SRCAP: variants seen among roughly 807,000 people sequenced by gnomAD.
The protein encoded by SRCAP is Snf2 related CREBBP activator protein.
Under a neutral mutation model 263.1 loss-of-function variants are expected in SRCAP, and 46 were observed. The observed-to-expected ratio is 0.17, with a 90% CI of 0.14 to 0.22. The LOEUF is 0.22. Ranked by LOEUF, SRCAP falls within the 10% of genes least tolerant of loss-of-function variation. The pLI is 1.00. For missense variants in SRCAP, 3,695 were observed against 4,181.9 expected (o/e 0.88, Z 3.21); for synonymous variants, 1,813 against 1,662.1 (o/e 1.09, Z -2.21).
In SRCAP at chr16:30,733,320, G is replaced by A. The variant is rs1292046686; in HGVS notation, c.6168G>A (p.Lys2056=). 6.2e-7 allele frequency: 1 copy of A among 1,614,092 alleles called. No homozygotes were observed. The highest frequency in any genetic ancestry group is 1.3e-5 in the African/African-American group (1 of 75,042). ...TGGCAGTGCTGTTGCGGCAGCTCAA[G>A]GCAGAGGGCCACCGAGTGCTCATCT... The part of the protein sequence containing the change: ...QTLAVLLRQL[K]AEGHRVLIFT... The change falls in exon 28 of 34, where the codon AAG becomes AAA. Residue 2056 remains lysine, a synonymous_variant. Coordinates refer to ENST00000262518, the MANE Select transcript of SRCAP (RefSeq NM_006662.3). This position sits in a 1 kb window ranked among gnomAD's most constrained non-coding sequence, Gnocchi z 5.3.
intron 7 of SRCAP, 39 bp from the exon 8 acceptor site, chr16:30,709,812 A>G: frequency 1.2e-6 from 2 of 1,612,946 alleles, no homozygotes; most frequent in Non-Finnish European, 1.7e-6. Flanking sequence ...TGTGGCTTGC[A>G]GGGCCCGTGG....
intron 18 of SRCAP, among the ~76,000 whole-genome samples, chr16:30,717,138 C>T (rs932114019): frequency 6.6e-6 from 1 of 152,084 alleles, no homozygotes; most frequent in Non-Finnish European, 1.5e-5. Context: ...TAATTACACC[C>T]ATATTAATGA....
At position 30,707,723 on chromosome 16, in the gene SRCAP, G is replaced by A; in HGVS notation, c.633+11G>A. The A allele has an allele frequency of 6.2e-7, 1 of 1,614,062 alleles. No individual in the cohort carries two copies. The highest frequency in any genetic ancestry group is 8.5e-7 in the Non-Finnish European group (1 of 1,179,948). The stretch of plus-strand genomic sequence containing the variant: ...AGCAATGTGGAGAAGGTAGACAGTG[G>A]GGATCAGGAAAGGAAAATGGCCTTG... On this transcript the variant is annotated intron_variant, in intron 6 of 33. Transcript: ENST00000262518.
At position 30,729,536 on chromosome 16, in the gene SRCAP, C is replaced by T; in HGVS notation, c.6091C>T (p.Gln2031Ter). 6.2e-7 allele frequency: 1 copy of T among 1,614,196 alleles called. No homozygotes were observed. The highest frequency in any genetic ancestry group is 8.5e-7 in the Non-Finnish European group (1 of 1,180,038). ...CCGTATTGTGTGTAACATGCGCACC[C>T]AGTTCCCTGACTTAAGACTCATCCA... ...LHRIVCNMRT[Q>*]FPDLRLIQYD... The change falls in exon 27 of 34, where the codon CAG (glutamine) becomes TAG (stop). Residue 2031 changes from glutamine (Q) to a stop codon, truncating the protein, a stop_gained. Transcript: ENST00000262518. LOFTEE classifies it high-confidence loss of function.
intron 23 of SRCAP, 96 bp from the exon 24 acceptor site, chr16:30,722,867 A>T: frequency 6.5e-7 from 1 of 1,547,972 alleles, no homozygotes; most frequent in Non-Finnish European, 8.7e-7. Flanking sequence ...TATCTATGAT[A>T]CCTGTCTGCC....
At chr16:30,736,175 C>T (rs570752204) in intron 31 of SRCAP, 25 bp from the exon 32 acceptor site, 2 of 1,612,080 alleles carry the variant, frequency 1.2e-6, no homozygotes, top group Admixed American at 1.7e-5. Context: ...CTCATGTTTT[C>T]TTTTTCTTTT....
chr16:30,728,414 T>A (rs2053082894), intron 25 of SRCAP, among the ~76,000 whole-genome samples: 1 of 152,196 alleles, frequency 6.6e-6, no homozygotes, highest in African/African-American at 2.4e-5. Context: ...TGGGTCAAAG[T>A]CATCCAGGTG....
rs544356080 is a variant in SRCAP, at chr16:30,701,686, A to G, written c.54+808A>G. On this transcript the variant is annotated intron_variant, in intron 3 of 33. Coordinates refer to ENST00000262518, the MANE Select transcript of SRCAP (RefSeq NM_006662.3). Reference sequence around the variant, plus strand: ...TGTCTTTCAGCCAGGCTGGAATGCAATGGCGCGATCTCGGCTCACTGCAAC... The same window carrying G: ...TGTCTTTCAGCCAGGCTGGAATGCAGTGGCGCGATCTCGGCTCACTGCAAC... Among the ~76,000 whole-genome samples the G allele has an allele frequency of 2.2e-3, 319 of 146,416 alleles. 1 individual carries two copies. Among genetic ancestry groups the G allele is most frequent in the African/African-American group, 7.9e-3 (303 of 38,162 alleles).
rs755377217 is a variant in SRCAP, at chr16:30,738,384, T to C, written c.8344T>C (p.Ser2782Pro). 13 of 1,552,688 alleles carry C rather than the reference T, an allele frequency of 8.4e-6. No homozygotes were observed. The highest frequency in any genetic ancestry group is 1.4e-5 in the African/African-American group (1 of 72,916). Residue 2782 changes from serine (S) to proline (P), a missense_variant, in exon 34 of 34, where the codon TCT becomes CCT. Physicochemically the swap from Ser to Pro is moderately conservative, Grantham distance 74. This residue lies in a region of SRCAP where 1,207 missense variants were observed against 1,142.9 expected (regional missense o/e 1.06). Coordinates refer to ENST00000262518, the MANE Select transcript of SRCAP (RefSeq NM_006662.3). ...GAASTLVPGVSETSASPGSPS... is the reference protein window; with the variant it reads ...GAASTLVPGVPETSASPGSPS... ...TGCCAGCACCCTAGTGCCTGGGGTC[T>C]CTGAGACTAGTGCCAGCCCGGGAAG...
In SRCAP at chr16:30,711,947, A is replaced by G. The variant is rs780932101; in HGVS notation, c.1605A>G (p.Gln535=). The change falls in exon 12 of 34, where the codon CAA becomes CAG. Residue 535 remains glutamine (Q), a synonymous_variant. Coordinates refer to ENST00000262518, the MANE Select transcript of SRCAP (RefSeq NM_006662.3). ...AGTCTGAAGAGTCTGAGGATGCCCA[A>G]TCACAGAGCCAAGCAGATGAAGAGG... ...ESESEESEDA[Q]SQSQADEEEE... 1.4e-5 allele frequency: 23 copies of G among 1,614,000 alleles called. No individual in the cohort carries two copies. The highest frequency in any genetic ancestry group is 1.6e-4 in the Middle Eastern group (1 of 6,062).
intron 6 of SRCAP, among the ~76,000 whole-genome samples, chr16:30,708,086 A>G (rs777028139): frequency 8.5e-5 from 13 of 152,310 alleles, no homozygotes; most frequent in Middle Eastern, 3.4e-3. Context: ...GCCTCCTGCC[A>G]TGTTCATTCC....
Position 30,722,592 on chromosome 16 carries a change from G to A in SRCAP, c.3736G>A (p.Gly1246Arg). 2 of 1,614,040 alleles carry A rather than the reference G, an allele frequency of 1.2e-6. No homozygotes were observed. The highest frequency in any genetic ancestry group is 1.1e-5 in the South Asian group (1 of 91,066). The stretch of plus-strand genomic sequence containing the variant: ...TGTGGTGCACCTCGTGTCAGCAGGG[G>A]GGCAGCACCATCTCATCAGCCAGCC... Reference protein sequence around the residue: ...RNVVHLVSAGGQHHLISQPAH... With the variant: ...RNVVHLVSAGRQHHLISQPAH... The change falls in exon 23 of 34, where the codon GGG becomes AGG. Residue 1246 changes from glycine (G) to arginine (R), a missense_variant. Gly to Arg is a moderately radical substitution (Grantham distance 125). Coordinates refer to ENST00000262518, the MANE Select transcript of SRCAP (RefSeq NM_006662.3).
In SRCAP at chr16:30,737,687, T is replaced by A; in HGVS notation, c.7647T>A (p.Pro2549=). Residue 2549 remains proline (P), a synonymous_variant, in exon 34 of 34, where the codon CCT becomes CCA. Transcript: ENST00000262518. ...SVTNLPLGLR[P]EAELCAQALA... is the part of the protein sequence containing the mutation. ...CTAATCTCCCCTTGGGCTTGAGGCC[T>A]GAGGCAGAGCTGTGTGCCCAGGCAT... 6.2e-7 allele frequency: 1 copy of A among 1,614,194 alleles called. No individual in the cohort carries two copies.
intron 27 of SRCAP, among the ~76,000 whole-genome samples, chr16:30,732,637 G>T (rs1203796798): frequency 6.6e-6 from 1 of 152,136 alleles, no homozygotes; most frequent in Non-Finnish European, 1.5e-5. Flanking sequence ...TATCTATCCT[G>T]TGAATCTGTT....
Position 30,738,185 on chromosome 16 carries a change from A to G in SRCAP, c.8145A>G (p.Ser2715=), listed in dbSNP as rs897576157. The G allele has an allele frequency of 2.2e-5, 36 of 1,613,970 alleles. No homozygotes were observed. The highest frequency in any genetic ancestry group is 2.7e-5 in the Non-Finnish European group (32 of 1,180,024). The change falls in exon 34 of 34, where the codon TCA becomes TCG. Residue 2715 remains serine, a synonymous_variant. Coordinates refer to ENST00000262518, the MANE Select transcript of SRCAP (RefSeq NM_006662.3). ...CCACTTCCTCGCCTGAGGGTCCTTC[A>G]CCTGCCCGACCTCCTCGGCGTCGCA... ...SSATSSPEGP[S]PARPPRRRTS... is the part of the protein sequence containing the mutation.
intron 18 of SRCAP, among the ~76,000 whole-genome samples, chr16:30,717,063 C>T (rs186999061): frequency 1.5e-4 from 23 of 152,274 alleles, no homozygotes; most frequent in Admixed American, 1.2e-3. Flanking sequence ...ACATTTCCAC[C>T]CTAGCAGGGC....
In SRCAP at chr16:30,737,721, C is replaced by G. The variant is rs1215921344; in HGVS notation, c.7681C>G (p.Pro2561Ala). 1 of 1,614,224 alleles carries G rather than the reference C, an allele frequency of 6.2e-7. No homozygotes were observed. Among genetic ancestry groups the G allele is most frequent in the Non-Finnish European group, 8.5e-7 (1 of 1,180,050 alleles). ...AELCAQALAS[P>A]ESLELASVAS... Reference sequence around the variant, plus strand: ...GCTGTGTGCCCAGGCATTGGCATCTCCAGAGTCCCTGGAGCTGGCTTCTGT... The same window carrying G: ...GCTGTGTGCCCAGGCATTGGCATCTGCAGAGTCCCTGGAGCTGGCTTCTGT... The change falls in exon 34 of 34, where the codon CCA becomes GCA. Residue 2561 changes from proline to alanine, a missense_variant. Physicochemically the swap from Pro to Ala is conservative, Grantham distance 27 (BLOSUM62 -1). This residue lies in a region of SRCAP where 1,207 missense variants were observed against 1,142.9 expected (regional missense o/e 1.06). Coordinates refer to ENST00000262518, the MANE Select transcript of SRCAP (RefSeq NM_006662.3).
rs770748860 is a variant in SRCAP at position 30,723,923 on chromosome 16, C to T, written c.4499C>T (p.Pro1500Leu). 2.2e-5 allele frequency: 35 copies of T among 1,614,036 alleles called. No individual in the cohort carries two copies. Among genetic ancestry groups the T allele is most frequent in the Admixed American group, 6.7e-5 (4 of 60,002 alleles). Residue 1500 changes from proline to leucine, a missense_variant, in exon 25 of 34, where the codon CCG becomes CTG. Around this residue, in one of 12 missense-constraint regions of SRCAP, gnomAD observed 1,347 missense variants for 1,304.4 expected, o/e 1.03. Transcript: ENST00000262518. ...TCCTTGGCACCATCTGGTGCTTCCC[C>T]GTCAGCATCAGCCTTGACTCTAGGT... ...PPSLAPSGAS[P>L]SASALTLGLA... is the part of the protein sequence containing the mutation.
intron 6 of SRCAP, among the ~76,000 whole-genome samples, chr16:30,708,196 T>C (rs1157786454): frequency 1.3e-5 from 2 of 152,158 alleles, no homozygotes; most frequent in Admixed American, 6.6e-5. Flanking sequence ...CATGTGTACT[T>C]AGGGAACAGC....
Sources: gnomAD v4.1 joint callset for allele counts (sites outside exome capture counted in the v4.1 genomes callset) on GRCh38, gnomAD v4.1.1 for gene constraint, gnomAD v4.1.1 regional missense constraint, Gnocchi (gnomAD v3.1) non-coding constraint, MANE v1.5 for transcripts, NCBI Gene and HGNC (gene_info 2026-07-23, HGNC 2026-07-21) for gene names.